MYO5B: variants seen among roughly 807,000 people sequenced by gnomAD.
MYO5B encodes unconventional myosin-Vb.
MYO5B carries 143 observed loss-of-function variants against 229.3 expected under a neutral mutation model. That is an observed-to-expected ratio of 0.62 (90% CI 0.54 to 0.72). The LOEUF (loss-of-function observed/expected upper bound fraction) is 0.72. MYO5B is among the 30% of genes least tolerant of loss of function. MYO5B has a pLI of 0.00. For missense variants in MYO5B, 2,321 were observed against 2,331.0 expected (o/e 1.00, Z 0.09); for synonymous variants, 918 against 885.2 (o/e 1.04, Z -0.66).
At chr18:50,088,299 AG>A (rs2031374801) in intron 1 of MYO5B, among the ~76,000 whole-genome samples, 1 of 152,218 alleles carries the variant, frequency 6.6e-6, no homozygotes, top group Non-Finnish European at 1.5e-5. Flanking sequence ...AAACAGACAA[AG>A]GTGAGATTGG....
rs138587820 is a variant in MYO5B at position 49,915,220 on chromosome 18, C to T, written c.2091-3047G>A. On this transcript the variant is annotated intron_variant, in intron 17 of 39. Transcript: ENST00000285039. ...ATAACTCACATAATGTAAAATATAC[C>T]CCTTTAGAGTGTACAATAATTGTTA... 9.9e-5 allele frequency among the ~76,000 whole-genome samples: 15 copies of T among 152,118 alleles called. No homozygotes were observed. In the East Asian group the frequency reaches 2.9e-3, roughly 29 times the overall value.
In MYO5B at chr18:49,864,390, A is replaced by C. The variant is rs756485185; in HGVS notation, c.3604-10T>G. On this transcript the variant is annotated splice_polypyrimidine_tract_variant and intron_variant, in intron 27 of 39. Coordinates refer to ENST00000285039, the MANE Select transcript of MYO5B (RefSeq NM_001080467.3). ...ACTCCAGCTCTTGCCTCTGGAAGAC[A>C]GCCCAAGGGCCGCTGCCATTACTCC... 5.6e-6 allele frequency: 9 copies of C among 1,612,588 alleles called. No homozygotes were observed. The highest frequency in any genetic ancestry group is 7.6e-6 in the Non-Finnish European group (9 of 1,180,010).
In MYO5B at chr18:49,823,881, ATATT is replaced by A. The variant is rs2023805529; in HGVS notation, c.*2586_*2589del. On this transcript the variant is annotated 3_prime_UTR_variant, in exon 40 of 40. Transcript: ENST00000285039. ...TTGATCTATAAATATTTGATTCTTA[ATATT>A]TAAAATGCTTCTAATGTTTTAAAAG... The A allele has an allele frequency of 6.5e-6, 1 of 152,680 alleles. No homozygotes were observed. Among genetic ancestry groups the A allele is most frequent in the South Asian group, 2.1e-4 (1 of 4,836 alleles). 9.5% of individuals were successfully genotyped at this position (152,680 alleles called of 1,614,324 possible).
intron 1 of MYO5B, among the ~76,000 whole-genome samples, chr18:50,120,278 T>TG (rs1164254612): frequency 1.3e-5 from 2 of 152,232 alleles, no homozygotes; most frequent in Non-Finnish European, 2.9e-5. Flanking sequence ...AAGACTCAAG[T>TG]GAGGTCTGAA....
intron 5 of MYO5B, among the ~76,000 whole-genome samples, chr18:49,995,114 G>A (rs887881873): frequency 2.0e-5 from 3 of 152,100 alleles, no homozygotes; most frequent in Non-Finnish European, 2.9e-5. Context: ...CCTACACGGC[G>A]TCACAGCACT....
chr18:49,840,790 G>C (rs1195357467), intron 35 of MYO5B, among the ~76,000 whole-genome samples: 1 of 152,208 alleles, frequency 6.6e-6, no homozygotes, highest in Non-Finnish European at 1.5e-5. Context: ...GGCCTTACAG[G>C]TCCGGTGTGG....
Position 49,864,189 on chromosome 18 carries a change from C to T in MYO5B, c.3795G>A (p.Arg1265=), listed in dbSNP as rs750353255. 3 of 1,613,096 alleles carry T rather than the reference C, an allele frequency of 1.9e-6. No individual in the cohort carries two copies. Among genetic ancestry groups the T allele is most frequent in the African/African-American group, 1.3e-5 (1 of 75,074 alleles). ...EVRKEEVLIL[R]TQIVSADQRR... ...GCTGGTCGGCGCTCACGATCTGGGT[C>T]CTGAGGATGAGCACCTCCTCCTTGC... The change falls in exon 28 of 40, where the codon AGG becomes AGA. Residue 1265 remains arginine (R), a synonymous_variant. Coordinates refer to ENST00000285039, the MANE Select transcript of MYO5B (RefSeq NM_001080467.3).
At chr18:50,016,442 CATA>C (rs761088213) in intron 4 of MYO5B, among the ~76,000 whole-genome samples, 8 of 152,132 alleles carry the variant, frequency 5.3e-5, no homozygotes, top group Non-Finnish European at 1.0e-4. Context: ...AATTCTTTAA[CATA>C]ATGTGTATCT....
intron 4 of MYO5B, among the ~76,000 whole-genome samples, chr18:50,036,460 G>A (rs978216699): frequency 1.3e-5 from 2 of 152,174 alleles, no homozygotes; most frequent in Non-Finnish European, 2.9e-5. Context: ...TCTTCAAAAG[G>A]GAGTCTTCAG....
chr18:50,000,428 A>G (rs2026033502), intron 5 of MYO5B, among the ~76,000 whole-genome samples: 3 of 152,208 alleles, frequency 2.0e-5, no homozygotes, highest in South Asian at 4.1e-4. Flanking sequence ...TGCTCCTACC[A>G]ACTGTAACCA....
intron 3 of MYO5B, 35 bp from the exon 4 acceptor site, chr18:50,037,029 A>G (rs1446858834): frequency 6.2e-7 from 1 of 1,613,580 alleles, no homozygotes; most frequent in African/African-American, 1.3e-5. Context: ...TTCCGACAGC[A>G]CAGAAGACAC....
At chr18:50,080,896 T>A (rs1296041705) in intron 1 of MYO5B, among the ~76,000 whole-genome samples, 1 of 152,154 alleles carries the variant, frequency 6.6e-6, no homozygotes, top group Non-Finnish European at 1.5e-5. Context: ...TTAAGTCACT[T>A]GCCAGCCCGT....
At chr18:49,891,378 G>A (rs187499704) in intron 22 of MYO5B, among the ~76,000 whole-genome samples, 128 of 152,256 alleles carry the variant, frequency 8.4e-4, no homozygotes, top group Middle Eastern at 3.4e-3. Flanking sequence ...TAGCCCTTGG[G>A]GGGTAATTCA....
chr18:49,926,777 C>A (rs2025132958), intron 17 of MYO5B, among the ~76,000 whole-genome samples: 1 of 152,160 alleles, frequency 6.6e-6, no homozygotes, highest in Non-Finnish European at 1.5e-5. Flanking sequence ...TTAAAGGAGT[C>A]TATTGAGGAA....
intron 10 of MYO5B, among the ~76,000 whole-genome samples, chr18:49,967,845 T>G (rs2025643764): frequency 6.6e-6 from 1 of 150,580 alleles, no homozygotes; most frequent in Non-Finnish European, 1.5e-5. Flanking sequence ...TGTGCCTAGA[T>G]GCCCCCACCC....
At chr18:50,055,452 G>C (rs1598986371) in intron 1 of MYO5B, 74 bp from the exon 2 acceptor site, 1 of 1,249,400 alleles carries the variant, frequency 8.0e-7, no homozygotes, top group Non-Finnish European at 1.2e-6. Flanking sequence ...TCACTACCTA[G>C]AAAGTGCCCA....
chr18:49,841,436 CA>C lies in MYO5B; in HGVS notation c.4629del (p.Phe1543LeufsTer3). 1 of 1,614,170 alleles carries C rather than the reference CA, an allele frequency of 6.2e-7. No individual in the cohort carries two copies. Among genetic ancestry groups the C allele is most frequent in the Non-Finnish European group, 8.5e-7 (1 of 1,180,008 alleles). On this transcript the variant is annotated frameshift_variant, in exon 35 of 40. Transcript: ENST00000285039. LOFTEE classifies it high-confidence loss of function. ...TTGGATAACCAGAATGACGTCATCTCAAAGTCATCATTGTGCTTCTGTGAAA... is the reference window on the plus strand; with the variant it reads ...TTGGATAACCAGAATGACGTCATCTCAAGTCATCATTGTGCTTCTGTGAAA... Reference protein sequence around the residue: ...KKVLKKHNDDFEMTSFWLSNT... With the variant: ...KKVLKKHNDDXEMTSFWLSNT...
intron 14 of MYO5B, among the ~76,000 whole-genome samples, chr18:49,944,089 A>G (rs2025345182): frequency 6.6e-6 from 1 of 152,190 alleles, no homozygotes; most frequent in Non-Finnish European, 1.5e-5. Context: ...TTTTTATCCT[A>G]AGAGCAATGG....
At chr18:49,900,920 C>T (rs2024833587) in intron 21 of MYO5B, among the ~76,000 whole-genome samples, 1 of 152,192 alleles carries the variant, frequency 6.6e-6, no homozygotes, top group Non-Finnish European at 1.5e-5. Flanking sequence ...CGCAATGCCC[C>T]CATTATGGCT....
Sources: allele counts gnomAD v4.1 joint callset (sites outside exome capture counted in the v4.1 genomes callset), GRCh38; gene constraint gnomAD v4.1.1; transcripts MANE v1.5; gene names NCBI Gene and HGNC (gene_info 2026-07-23, HGNC 2026-07-21).